The following AGPAT4 variants were observed in gnomAD, a reference collection of about 807,000 sequenced individuals.
AGPAT4 encodes 1-acylglycerol-3-phosphate O-acyltransferase 4.
In AGPAT4, 15 loss-of-function variants were observed where a neutral mutation model predicts 48.0. The ratio of observed to expected loss-of-function variants is 0.31; its 90% CI spans 0.21 to 0.48. AGPAT4 has a LOEUF of 0.48. AGPAT4 is among the 20% of genes least tolerant of loss of function. The pLI, the probability that AGPAT4 is intolerant of heterozygous loss-of-function variation, is 0.99. For missense variants in AGPAT4, 314 were observed against 482.5 expected (o/e 0.65, Z 3.27); for synonymous variants, 178 against 198.7 (o/e 0.90, Z 0.88).
intron 1 of AGPAT4, among the ~76,000 whole-genome samples, chr6:161,258,678 C>T (rs966417952): frequency 6.6e-6 from 1 of 151,924 alleles, no homozygotes; most frequent in Non-Finnish European, 1.5e-5. Flanking sequence ...CCGCAAAAAA[C>T]ACAGAAACAC....
In AGPAT4 at chr6:161,220,801, T is replaced by C. The variant is rs1781814846; in HGVS notation, c.178+11235A>G. On this transcript the variant is annotated intron_variant, in intron 2 of 8. Transcript: ENST00000320285. The surrounding 1 kb of genome is among the most constrained non-coding windows in gnomAD (Gnocchi z 6.0). ...ATATATTTTATTTTATTTTTATTTT[T>C]GAGACAGAGTCTCACTCTGTCACCC... Among the ~76,000 whole-genome samples, 1 of 152,144 alleles carries C rather than the reference T, an allele frequency of 6.6e-6. No homozygotes were observed. The highest frequency in any genetic ancestry group is 6.5e-5 in the Admixed American group (1 of 15,272).
chr6:161,153,261 C>T (rs762508122), intron 5 of AGPAT4, 85 bp downstream of exon 5: 118 of 1,501,346 alleles, frequency 7.9e-5, no homozygotes, highest in Non-Finnish European at 9.3e-5. Flanking sequence ...GAAGTGCTGG[C>T]AGGAAGCAAG....
At chr6:161,265,667 G>C (rs1386287112) in intron 1 of AGPAT4, among the ~76,000 whole-genome samples, 1 of 152,134 alleles carries the variant, frequency 6.6e-6, no homozygotes, top group African/African-American at 2.4e-5. Context: ...CTCCAGAGAG[G>C]TTTGGAAAAG....
chr6:161,168,471 A>T lies in AGPAT4; in HGVS notation c.179-2054T>A, dbSNP rs756882639. ...TCACATGTTCCCCAGTACCCTCCAC[A>T]GCCCTATCACAGCTGTGACCACAGC... On this transcript the variant is annotated intron_variant, in intron 2 of 8. Transcript: ENST00000320285. Among the ~76,000 whole-genome samples the T allele has an allele frequency of 6.4e-4, 97 of 152,142 alleles. 1 individual carries two copies. Among genetic ancestry groups the T allele is most frequent in the Non-Finnish European group, 5.4e-4 (37 of 67,978 alleles).
rs1374788122 is a variant in AGPAT4 at position 161,216,216 on chromosome 6, T to C, written c.178+15820A>G. On this transcript the variant is annotated intron_variant, in intron 2 of 8. Coordinates refer to ENST00000320285, the MANE Select transcript of AGPAT4 (RefSeq NM_020133.3). The surrounding 1 kb of genome is among the most constrained non-coding windows in gnomAD (Gnocchi z 4.8). ...TCTCTGAAAGGGTTCTGAACCCACGTTGGGGTTGGGTGGGAATAACTCAAT... is the reference window on the plus strand; with the variant it reads ...TCTCTGAAAGGGTTCTGAACCCACGCTGGGGTTGGGTGGGAATAACTCAAT... Among the ~76,000 whole-genome samples the C allele has an allele frequency of 6.6e-6, 1 of 152,112 alleles. No homozygotes were observed. Among genetic ancestry groups the C allele is most frequent in the African/African-American group, 2.4e-5 (1 of 41,424 alleles).
In AGPAT4 at chr6:161,242,600, G is replaced by A. The variant is rs917078198; in HGVS notation, c.-89-10298C>T. On this transcript the variant is annotated intron_variant, in intron 1 of 8. Coordinates refer to ENST00000320285, the MANE Select transcript of AGPAT4 (RefSeq NM_020133.3). The surrounding 1 kb of genome is among the most constrained non-coding windows in gnomAD (Gnocchi z 5.0). ...GCATTTCCAACAACCGAGGGTGTAT[G>A]AGCTATTTTAAACAATGCTCAGCAG... Among the ~76,000 whole-genome samples the A allele has an allele frequency of 1.3e-5, 2 of 152,140 alleles. No homozygotes were observed. Among genetic ancestry groups the A allele is most frequent in the Non-Finnish European group, 2.9e-5 (2 of 68,038 alleles).
intron 2 of AGPAT4, among the ~76,000 whole-genome samples, chr6:161,191,953 C>A (rs1780933068): frequency 6.6e-6 from 1 of 151,864 alleles, no homozygotes; most frequent in African/African-American, 2.4e-5. Context: ...TTCCTCTCCC[C>A]TGGTTAGGAC....
intron 2 of AGPAT4, among the ~76,000 whole-genome samples, chr6:161,207,589 A>G (rs9456642): frequency 0.2 from 29,830 of 152,198 alleles, 3,175 homozygotes; most frequent in East Asian, 0.42. Flanking sequence ...TCCCTCCAAC[A>G]AGCTCCACTT....
Position 161,134,587 on chromosome 6 carries a change from G to C in AGPAT4, c.*1953C>G, listed in dbSNP as rs911174727. 2.6e-5 allele frequency: 4 copies of C among 152,146 alleles called. No individual in the cohort carries two copies. Among genetic ancestry groups the C allele is most frequent in the Admixed American group, 6.5e-5 (1 of 15,274 alleles). The allele number at this position is 152,146 out of a possible 1,614,324, so 9.4% of individuals were successfully genotyped here. A position where few individuals can be genotyped will look rare whatever the true frequency, so the allele number is the denominator to read the frequency against. ...CCCCATTTTGCAGATGGGGAAATGA[G>C]TCAGCAAGGAAAAGTGTCTCACCCA... On this transcript the variant is annotated 3_prime_UTR_variant, in exon 9 of 9. Coordinates refer to ENST00000320285, the MANE Select transcript of AGPAT4 (RefSeq NM_020133.3).
In AGPAT4 at chr6:161,153,377, G is replaced by A. The variant is rs778734400; in HGVS notation, c.633C>T (p.Phe211=). The stretch of plus-strand genomic sequence containing the variant: ...TTCTCAAGCTCCTCACGGTGATGGC[G>A]AAGCCCTTGGTTCGTGGCAACAGGT... ...KHHLLPRTKG[F]AITVRSLRNV... Residue 211 remains phenylalanine (F), a synonymous_variant, in exon 5 of 9, where the codon TTC becomes TTT. Coordinates refer to ENST00000320285, the MANE Select transcript of AGPAT4 (RefSeq NM_020133.3). 1.9e-5 allele frequency: 30 copies of A among 1,610,124 alleles called. No homozygotes were observed. Among genetic ancestry groups the A allele is most frequent in the East Asian group, 2.2e-5 (1 of 44,808 alleles).
At position 161,259,699 on chromosome 6, in the gene AGPAT4, T is replaced by C. The variant is rs532190520; in HGVS notation, c.-90+14239A>G. ...GTCCCAGGTCACCGCACAGTTCACATGCCCAGGAGGACTCTCTGGCTGAGT... is the reference window on the plus strand; with the variant it reads ...GTCCCAGGTCACCGCACAGTTCACACGCCCAGGAGGACTCTCTGGCTGAGT... On this transcript the variant is annotated intron_variant, in intron 1 of 8. Transcript: ENST00000320285. This position sits in a 1 kb window ranked among gnomAD's most constrained non-coding sequence, Gnocchi z 4.9. Among the ~76,000 whole-genome samples, 1 of 152,216 alleles carries C rather than the reference T, an allele frequency of 6.6e-6. No individual in the cohort carries two copies. The highest frequency in any genetic ancestry group is 1.9e-4 in the East Asian group (1 of 5,154).
At position 161,259,664 on chromosome 6, in the gene AGPAT4, C is replaced by T. The variant is rs1313362771; in HGVS notation, c.-90+14274G>A. ...AACAAGGGAGAGCAGAGCCTTACCC[C>T]AACTGTGGGGTCCCAGGTCACCGCA... On this transcript the variant is annotated intron_variant, in intron 1 of 8. Transcript: ENST00000320285. This position sits in a 1 kb window ranked among gnomAD's most constrained non-coding sequence, Gnocchi z 4.9. Among the ~76,000 whole-genome samples the T allele has an allele frequency of 6.6e-6, 1 of 152,130 alleles. No homozygotes were observed. The highest frequency in any genetic ancestry group is 2.4e-5 in the African/African-American group (1 of 41,434).
chr6:161,153,572 G>A (rs1414413849), intron 4 of AGPAT4, 73 bp from the exon 5 acceptor site: 3 of 1,551,462 alleles, frequency 1.9e-6, no homozygotes, highest in African/African-American at 2.7e-5. Flanking sequence ...CATGGCCCTG[G>A]GGTCACACAC....
In AGPAT4 at chr6:161,232,926, G is replaced by C. The variant is rs1000257169; in HGVS notation, c.-89-624C>G. Among the ~76,000 whole-genome samples, 5 of 152,112 alleles carry C rather than the reference G, an allele frequency of 3.3e-5. No individual in the cohort carries two copies. The highest frequency in any genetic ancestry group is 7.3e-5 in the Non-Finnish European group (5 of 68,038). On this transcript the variant is annotated intron_variant, in intron 1 of 8. Transcript: ENST00000320285. The surrounding 1 kb of genome is among the most constrained non-coding windows in gnomAD (Gnocchi z 6.8). ...CCACCACTGTTTCTCCAGCACATGAGAGCCATCACTGGCACAGGGTGGGAA... is the reference window on the plus strand; with the variant it reads ...CCACCACTGTTTCTCCAGCACATGACAGCCATCACTGGCACAGGGTGGGAA...
chr6:161,232,055 C>T lies in AGPAT4; in HGVS notation c.159G>A (p.Leu53=), dbSNP rs777103185. Residue 53 remains leucine, a synonymous_variant, in exon 2 of 9, where the codon CTG becomes CTA. Transcript: ENST00000320285. This position sits in a 1 kb window ranked among gnomAD's most constrained non-coding sequence, Gnocchi z 6.8. ...KQLFRKINCR[L]SYCISSQLVM... ...TCTTACGGCTTGAGATGCAATAGGA[C>T]AGTCTGCAGTTGATCTTCCGGAAGA... 1.2e-6 allele frequency: 2 copies of T among 1,614,008 alleles called. No individual in the cohort carries two copies. Among genetic ancestry groups the T allele is most frequent in the Non-Finnish European group, 1.7e-6 (2 of 1,179,984 alleles).
rs1779007335 is a variant in AGPAT4, at chr6:161,134,624, C to T, written c.*1916G>A. The T allele has an allele frequency of 1.3e-5, 2 of 152,172 alleles. No individual in the cohort carries two copies. Among genetic ancestry groups the T allele is most frequent in the South Asian group, 4.2e-4 (2 of 4,818 alleles). 9.4% of individuals were successfully genotyped at this position (152,172 alleles called of 1,614,324 possible). A position where few individuals can be genotyped will look rare whatever the true frequency, so the allele number is the denominator to read the frequency against. On this transcript the variant is annotated 3_prime_UTR_variant, in exon 9 of 9. Transcript: ENST00000320285. ...AAGTGTCTCACCCAAATCCTACAGCCGATGAGCTGCAGAGTTCAGGTGAAT... is the reference window on the plus strand; with the variant it reads ...AAGTGTCTCACCCAAATCCTACAGCTGATGAGCTGCAGAGTTCAGGTGAAT...
At position 161,225,073 on chromosome 6, in the gene AGPAT4, C is replaced by T. The variant is rs1256508472; in HGVS notation, c.178+6963G>A. ...CCTGACTCATTCCGATTACCTGCTT[C>T]ACCCTGACTCATTCGGATTATTACC... On this transcript the variant is annotated intron_variant, in intron 2 of 8. Transcript: ENST00000320285. The surrounding 1 kb of genome is among the most constrained non-coding windows in gnomAD (Gnocchi z 5.0). Among the ~76,000 whole-genome samples, 1 of 150,482 alleles carries T rather than the reference C, an allele frequency of 6.6e-6. No homozygotes were observed. Among genetic ancestry groups the T allele is most frequent in the Non-Finnish European group, 1.5e-5 (1 of 67,956 alleles).
At position 161,251,578 on chromosome 6, in the gene AGPAT4, C is replaced by T. The variant is rs1782804400; in HGVS notation, c.-89-19276G>A. Among the ~76,000 whole-genome samples the T allele has an allele frequency of 6.6e-6, 1 of 152,202 alleles. No individual in the cohort carries two copies. The highest frequency in any genetic ancestry group is 1.5e-5 in the Non-Finnish European group (1 of 68,036). On this transcript the variant is annotated intron_variant, in intron 1 of 8. Coordinates refer to ENST00000320285, the MANE Select transcript of AGPAT4 (RefSeq NM_020133.3). The surrounding 1 kb of genome is among the most constrained non-coding windows in gnomAD (Gnocchi z 4.6). ...GGCTGCACAACGTTACCCTGCATTA[C>T]AGACCAGCCTGTCCGGCCGCTGGTT...
At position 161,198,713 on chromosome 6, in the gene AGPAT4, G is replaced by C. The variant is rs1583322254; in HGVS notation, c.179-32296C>G. 3.9e-5 allele frequency among the ~76,000 whole-genome samples: 6 copies of C among 152,014 alleles called. No homozygotes were observed. In the South Asian group the frequency reaches 1.2e-3, roughly 31 times the overall value. ...GGTTTAAATAAGCTCACATGTAGAA[G>C]GAACTCCGCAGAGTGCTGGGAACAC... On this transcript the variant is annotated intron_variant, in intron 2 of 8. Coordinates refer to ENST00000320285, the MANE Select transcript of AGPAT4 (RefSeq NM_020133.3). The surrounding 1 kb of genome is among the most constrained non-coding windows in gnomAD (Gnocchi z 4.3).
Sources: gnomAD v4.1 joint callset for allele counts (sites outside exome capture counted in the v4.1 genomes callset) on GRCh38, gnomAD v4.1.1 for gene constraint, Gnocchi (gnomAD v3.1) non-coding constraint, MANE v1.5 for transcripts, NCBI Gene and HGNC (gene_info 2026-07-23, HGNC 2026-07-21) for gene names.